The following TSHZ2 variants were observed in gnomAD, a reference collection of about 807,000 sequenced individuals.
The protein encoded by TSHZ2 is teashirt zinc finger homeobox 2, also known as teashirt homolog 2.
TSHZ2 carries 21 observed loss-of-function variants against 74.4 expected under a neutral mutation model. The ratio of observed to expected loss-of-function variants is 0.28; its 90% CI spans 0.20 to 0.41. TSHZ2 has a LOEUF of 0.41. Ranked by LOEUF, TSHZ2 falls within the 10% of genes least tolerant of loss-of-function variation. TSHZ2 has a pLI of 1.00. For missense variants in TSHZ2, 1,244 were observed against 1,293.5 expected, an observed-to-expected ratio of 0.96 and a Z score of 0.59; for synonymous variants, 540 against 515.3, an observed-to-expected ratio of 1.05 and a Z score of -0.65.
intron 2 of TSHZ2, among the ~76,000 whole-genome samples, chr20:53,452,330 T>C (rs1984820659): frequency 6.6e-6 from 1 of 152,210 alleles, no homozygotes; most frequent in Non-Finnish European, 1.5e-5. Flanking sequence ...CCAAGCGTGG[T>C]GGCTCACGCC....
intron 1 of TSHZ2, among the ~76,000 whole-genome samples, chr20:53,022,559 G>T (rs898426083): frequency 6.6e-6 from 1 of 151,198 alleles, no homozygotes; most frequent in African/African-American, 2.5e-5. Flanking sequence ...TGAACGGGAA[G>T]CATCTTTTAA....
chr20:53,244,083 A>G (rs1990141255), intron 1 of TSHZ2, among the ~76,000 whole-genome samples: 1 of 152,182 alleles, frequency 6.6e-6, no homozygotes, highest in Non-Finnish European at 1.5e-5. Context: ...GCTCTGTGGG[A>G]TGGCTGTGCT....
At chr20:53,111,862 A>G (rs989829671) in intron 1 of TSHZ2, among the ~76,000 whole-genome samples, 1 of 148,616 alleles carries the variant, frequency 6.7e-6, no homozygotes, top group Non-Finnish European at 1.5e-5. Flanking sequence ...ACGCTCTGGT[A>G]CCTGATGCAG....
At chr20:53,042,701 GAAA>G (rs5841925) in intron 1 of TSHZ2, among the ~76,000 whole-genome samples, 6 of 128,532 alleles carry the variant, frequency 4.7e-5, no homozygotes, top group South Asian at 2.4e-4. Context: ...AAGTAGAGAA[GAAA>G]AAAAAAAAAA....
chr20:53,029,502 C>T (rs1353739560), intron 1 of TSHZ2, among the ~76,000 whole-genome samples: 2 of 152,144 alleles, frequency 1.3e-5, no homozygotes, highest in Non-Finnish European at 2.9e-5. Context: ...ATGGTGAAAC[C>T]CCGTCTCAAC....
In TSHZ2 at chr20:53,489,507, C is replaced by G. The variant is rs1286131133; in HGVS notation, c.*2372C>G. The G allele has an allele frequency of 1.2e-5, 3 of 244,640 alleles. No homozygotes were observed. The highest frequency in any genetic ancestry group is 2.4e-5 in the Non-Finnish European group (3 of 122,808). The allele number at this position is 244,640 out of a possible 1,614,324, so 15.2% of individuals were successfully genotyped here. On this transcript the variant is annotated 3_prime_UTR_variant, in exon 3 of 3. Coordinates refer to ENST00000371497, the MANE Select transcript of TSHZ2 (RefSeq NM_173485.6). The stretch of plus-strand genomic sequence containing the variant: ...TTACATAATTCAGATCTCACTGCAA[C>G]CATCCAAAAGTGGATTCTCGAGCCC...
chr20:53,040,760 A>G (rs1309242301), intron 1 of TSHZ2, among the ~76,000 whole-genome samples: 1 of 152,036 alleles, frequency 6.6e-6, no homozygotes, highest in Non-Finnish European at 1.5e-5. Flanking sequence ...AACGACCCTT[A>G]CCCAGGTGCG....
intron 2 of TSHZ2, among the ~76,000 whole-genome samples, chr20:53,441,538 G>A (rs908545021): frequency 2.0e-5 from 3 of 150,714 alleles, no homozygotes; most frequent in Non-Finnish European, 4.4e-5. Context: ...CGCCCACCTC[G>A]GCCTCCCAAA....
intron 1 of TSHZ2, among the ~76,000 whole-genome samples, chr20:53,152,442 A>G (rs1160011204): frequency 1.3e-5 from 2 of 152,000 alleles, no homozygotes; most frequent in Admixed American, 6.6e-5. Context: ...CCTGAGCTTG[A>G]CCCTTATTCT....
chr20:53,175,578 ATTG>A (rs1988317112), intron 1 of TSHZ2, among the ~76,000 whole-genome samples: 1 of 152,094 alleles, frequency 6.6e-6, no homozygotes, highest in South Asian at 2.1e-4. Context: ...GCATGCACAC[ATTG>A]TTATCTTGTC....
chr20:53,459,059 C>T lies in TSHZ2; in HGVS notation c.*9-28085C>T, dbSNP rs201798782. Among the ~76,000 whole-genome samples the T allele has an allele frequency of 7.2e-5, 11 of 152,138 alleles. 1 individual carries two copies. The highest frequency in any genetic ancestry group is 2.6e-4 in the Admixed American group (4 of 15,274). On this transcript the variant is annotated intron_variant, in intron 2 of 2. Coordinates refer to ENST00000371497, the MANE Select transcript of TSHZ2 (RefSeq NM_173485.6). ...ATTCTGTTGATTTGGGGTGGAGAGT[C>T]CTGTAGATGTCTATTAGGTCCGCTT...
rs929054303 is a variant in TSHZ2 at position 53,106,299 on chromosome 20, A to G, written c.40+132966A>G. Among the ~76,000 whole-genome samples the G allele has an allele frequency of 2.0e-5, 3 of 150,074 alleles. No individual in the cohort carries two copies. In the South Asian group the frequency reaches 6.3e-4, roughly 32 times the overall value. ...CTCGCTTTTACTTTTTTTAGATTTC[A>G]CATATAAGTGAGGTCATACTGTATT... On this transcript the variant is annotated intron_variant, in intron 1 of 2. Coordinates refer to ENST00000371497, the MANE Select transcript of TSHZ2 (RefSeq NM_173485.6).
At chr20:53,292,641 G>T (rs1991301411) in intron 2 of TSHZ2, among the ~76,000 whole-genome samples, 1 of 151,596 alleles carries the variant, frequency 6.6e-6, no homozygotes, top group Non-Finnish European at 1.5e-5. Flanking sequence ...GTAGAGATGG[G>T]GTCTCACTAT....
At chr20:53,096,315 G>A (rs144824914) in intron 1 of TSHZ2, among the ~76,000 whole-genome samples, 4,865 of 152,096 alleles carry the variant, frequency 0.032, 120 homozygotes, top group Non-Finnish European at 0.049. Flanking sequence ...CTAATTTTTT[G>A]TATTATTAGT....
chr20:53,268,408 G>A lies in TSHZ2; in HGVS notation c.*8+11837G>A, dbSNP rs142627999. Among the ~76,000 whole-genome samples, 608 of 152,222 alleles carry A rather than the reference G, an allele frequency of 4.0e-3. 5 individuals carry two copies. Among genetic ancestry groups the A allele is most frequent in the African/African-American group, 0.014 (575 of 41,522 alleles). On this transcript the variant is annotated intron_variant, in intron 2 of 2. Coordinates refer to ENST00000371497, the MANE Select transcript of TSHZ2 (RefSeq NM_173485.6). Reference sequence around the variant, plus strand: ...TGATCTACAAATCCAGACATGGGCCGAGACATGGCAATACGAGGGAAGAAC... The same window carrying A: ...TGATCTACAAATCCAGACATGGGCCAAGACATGGCAATACGAGGGAAGAAC...
chr20:53,251,719 CTTGT>C (rs761815369), intron 1 of TSHZ2, among the ~76,000 whole-genome samples: 7 of 152,206 alleles, frequency 4.6e-5, no homozygotes, highest in Non-Finnish European at 1.0e-4. Flanking sequence ...TACATTTCAT[CTTGT>C]TTTACGGTAT....
intron 1 of TSHZ2, among the ~76,000 whole-genome samples, chr20:53,220,600 C>T (rs1316374874): frequency 1.3e-5 from 2 of 152,178 alleles, no homozygotes; most frequent in Non-Finnish European, 2.9e-5. Flanking sequence ...GCTAAGACAG[C>T]ACAGCTGAGT....
At chr20:53,441,511 C>A (rs989623259) in intron 2 of TSHZ2, among the ~76,000 whole-genome samples, 1 of 152,072 alleles carries the variant, frequency 6.6e-6, no homozygotes, top group African/African-American at 2.4e-5. Context: ...TTGTCTCAAT[C>A]TCCTGACCTC....
At chr20:53,406,555 C>G (rs960279915) in intron 2 of TSHZ2, among the ~76,000 whole-genome samples, 4 of 152,084 alleles carry the variant, frequency 2.6e-5, no homozygotes, top group African/African-American at 9.7e-5. Flanking sequence ...GGTGGACAAG[C>G]AAGGGCCACT....
Sources: allele counts gnomAD v4.1 joint callset (sites outside exome capture counted in the v4.1 genomes callset), GRCh38; gene constraint gnomAD v4.1.1; transcripts MANE v1.5; gene names NCBI Gene and HGNC (gene_info 2026-07-23, HGNC 2026-07-21).